The following PSMD11 variants were observed in gnomAD, a reference collection of about 807,000 sequenced individuals.
PSMD11 encodes 26S proteasome non-ATPase regulatory subunit 11.
Under a neutral mutation model 62.3 loss-of-function variants are expected in PSMD11, and 5 were observed. The ratio of observed to expected loss-of-function variants is 0.08; its 90% CI spans 0.04 to 0.17. The LOEUF is 0.17. Ranked by LOEUF, PSMD11 falls within the 10% of genes least tolerant of loss-of-function variation. The pLI, the probability that PSMD11 is intolerant of heterozygous loss-of-function variation, is 1.00. For missense variants in PSMD11, 310 were observed against 512.9 expected (o/e 0.60, Z 3.82); for synonymous variants, 191 against 191.8 (o/e 1.00, Z 0.03).
At chr17:32,455,828 T>G (rs1469129314) in intron 3 of PSMD11, among the ~76,000 whole-genome samples, 1 of 152,196 alleles carries the variant, frequency 6.6e-6, no homozygotes, top group African/African-American at 2.4e-5. Flanking sequence ...CTTATCTAAC[T>G]TTTTTTAAAA....
At chr17:32,468,556 G>A (rs561806636) in intron 5 of PSMD11, among the ~76,000 whole-genome samples, 134 of 152,276 alleles carry the variant, frequency 8.8e-4, no homozygotes, top group African/African-American at 3.1e-3. Context: ...GGGGAGTCAG[G>A]GAAGAAGGTA....
intron 1 of PSMD11, 166 bp downstream of exon 1, chr17:32,444,780 C>T: frequency 1.3e-6 from 1 of 746,304 alleles, no homozygotes; most frequent in Non-Finnish European, 2.1e-6. Context: ...CAGAGCCTCC[C>T]AGGTCTCACT....
intron 5 of PSMD11, among the ~76,000 whole-genome samples, chr17:32,464,904 A>G (rs2150834855): frequency 6.6e-6 from 1 of 152,316 alleles, no homozygotes; most frequent in Non-Finnish European, 1.5e-5. Flanking sequence ...GTTAAATTTC[A>G]GATTTAGGTT....
At chr17:32,450,973 TTGAC>T (rs1243642169) in intron 2 of PSMD11, among the ~76,000 whole-genome samples, 3 of 150,874 alleles carry the variant, frequency 2.0e-5, no homozygotes, top group African/African-American at 4.9e-5. Flanking sequence ...GATAAAAAAA[TTGAC>T]TGGGTGTGGT....
intron 2 of PSMD11, among the ~76,000 whole-genome samples, chr17:32,452,084 G>A (rs1597831014): frequency 2.0e-5 from 3 of 152,314 alleles, no homozygotes; most frequent in East Asian, 3.9e-4. Context: ...GGGTCTGCAT[G>A]CCACCTGTTT....
intron 6 of PSMD11, among the ~76,000 whole-genome samples, chr17:32,472,009 G>A (rs945360444): frequency 2.0e-5 from 3 of 152,106 alleles, no homozygotes; most frequent in Non-Finnish European, 4.4e-5. Context: ...GTAAGTAGCT[G>A]GGGCTACAGG....
At position 32,474,840 on chromosome 17, in the gene PSMD11, A is replaced by G. The variant is rs763669014; in HGVS notation, c.849+16A>G. The stretch of plus-strand genomic sequence containing the variant: ...AGGGAGGCAGGTAGGGACTCCCTTG[A>G]CTGCAGTTCTGCTCACTCTGAGACC... On this transcript the variant is annotated intron_variant, in intron 8 of 13. Coordinates refer to ENST00000261712, the MANE Select transcript of PSMD11 (RefSeq NM_002815.4). 6.2e-7 allele frequency: 1 copy of G among 1,610,696 alleles called. No homozygotes were observed. Among genetic ancestry groups the G allele is most frequent in the Admixed American group, 1.7e-5 (1 of 59,964 alleles).
At chr17:32,463,525 T>G (rs1396221124) in intron 3 of PSMD11, 1 of 153,268 alleles carries the variant, frequency 6.5e-6, no homozygotes, top group Non-Finnish European at 1.4e-5. Context: ...ACCTGTTTGC[T>G]TTAAGAGTGA....
chr17:32,464,477 G>A, intron 4 of PSMD11, 44 bp from the exon 5 acceptor site: 3 of 1,455,964 alleles, frequency 2.1e-6, no homozygotes, highest in Admixed American at 2.0e-5. Context: ...TTCTTTCTGT[G>A]GCTTTTTCCC....
At chr17:32,447,223 G>T (rs754704706) in intron 2 of PSMD11, 177 bp downstream of exon 2, 1 of 504,852 alleles carries the variant, frequency 2.0e-6, no homozygotes, top group Non-Finnish European at 3.5e-6. Flanking sequence ...TTCTTTCCTG[G>T]TAGTTTAGTT....
At position 32,446,771 on chromosome 17, in the gene PSMD11, G is replaced by A. The variant is rs1298099926; in HGVS notation, c.92-174G>A. On this transcript the variant is annotated intron_variant, in intron 1 of 13. Coordinates refer to ENST00000261712, the MANE Select transcript of PSMD11 (RefSeq NM_002815.4). ...ATGATTTACATGGAGCATATTCTACGTATATATGATCTTTTTTTTTTCCTG... is the reference window on the plus strand; with the variant it reads ...ATGATTTACATGGAGCATATTCTACATATATATGATCTTTTTTTTTTCCTG... 3.4e-5 allele frequency among the ~76,000 whole-genome samples: 5 copies of A among 148,000 alleles called. No individual in the cohort carries two copies. The East Asian group carries it at 5.9e-4, about 17-fold the overall frequency.
chr17:32,456,380 T>A (rs949026343), intron 3 of PSMD11, among the ~76,000 whole-genome samples: 9 of 151,910 alleles, frequency 5.9e-5, no homozygotes, highest in African/African-American at 1.5e-4. Flanking sequence ...GCATTTATTT[T>A]TTTTTATTGG....
At chr17:32,472,318 A>G (rs1306715268) in intron 6 of PSMD11, among the ~76,000 whole-genome samples, 5 of 144,672 alleles carry the variant, frequency 3.5e-5, no homozygotes, top group East Asian at 2.1e-4. Flanking sequence ...TACCTCCTGG[A>G]TTCAAGTGAT....
At chr17:32,465,420 G>T (rs1907965507) in intron 5 of PSMD11, among the ~76,000 whole-genome samples, 1 of 151,870 alleles carries the variant, frequency 6.6e-6, no homozygotes, top group Non-Finnish European at 1.5e-5. Context: ...GCCACTGCTT[G>T]CTTTTTATGA....
chr17:32,469,218 A>G (rs1280643454), intron 6 of PSMD11, 25 bp downstream of exon 6: 1 of 1,598,962 alleles, frequency 6.3e-7, no homozygotes, highest in South Asian at 1.1e-5. Context: ...TATTCCTGGG[A>G]TGTGTTTTCT....
intron 12 of PSMD11, 67 bp from the exon 13 acceptor site, chr17:32,480,422 G>GC: frequency 2.5e-6 from 4 of 1,584,820 alleles, no homozygotes; most frequent in Non-Finnish European, 3.5e-6. Context: ...TAGGGAGTGG[G>GC]CTGCTTCACA....
At position 32,482,907 on chromosome 17, in the gene PSMD11, TTG is replaced by T. The variant is rs1439289970; in HGVS notation, c.*2159_*2160del. On this transcript the variant is annotated 3_prime_UTR_variant, in exon 14 of 14. Transcript: ENST00000261712. Reference sequence around the variant, plus strand: ...AGTTCAGCCATTGTCAGTTTTAGTATTGTGTCTCTGTATTTCACTTGCAGAAA... The same window carrying T: ...AGTTCAGCCATTGTCAGTTTTAGTATTGTCTCTGTATTTCACTTGCAGAAA... The T allele has an allele frequency of 1.3e-5, 2 of 152,188 alleles. No individual in the cohort carries two copies. The highest frequency in any genetic ancestry group is 2.9e-5 in the Non-Finnish European group (2 of 68,032). The allele number at this position is 152,188 out of a possible 1,614,324, so 9.4% of individuals were successfully genotyped here.
rs922518274 is a variant in PSMD11, at chr17:32,479,968, T to C, written c.1074+82T>C. 3.9e-6 allele frequency: 6 copies of C among 1,530,970 alleles called. No homozygotes were observed. In the African/African-American group the frequency reaches 5.5e-5, roughly 14 times the overall value. 94.8% of individuals were successfully genotyped at this position (1,530,970 alleles called of 1,614,324 possible). ...TGGCACATGCACCTGATTGGCCTCA[T>C]TGGAAAGCTCCCCAGCTTCTCAGTG... On this transcript the variant is annotated intron_variant, in intron 11 of 13. Transcript: ENST00000261712.
intron 2 of PSMD11, among the ~76,000 whole-genome samples, chr17:32,452,312 A>G (rs1907528343): frequency 6.6e-6 from 1 of 152,198 alleles, no homozygotes; most frequent in South Asian, 2.1e-4. Flanking sequence ...CATTTGCCAT[A>G]ATATTAATAT....
Sources: gnomAD v4.1 joint callset for allele counts (sites outside exome capture counted in the v4.1 genomes callset) on GRCh38, gnomAD v4.1.1 for gene constraint, MANE v1.5 for transcripts, NCBI Gene and HGNC (gene_info 2026-07-23, HGNC 2026-07-21) for gene names.